PDZD2: variants seen among roughly 807,000 people sequenced by gnomAD.
The protein encoded by PDZD2 is PDZ domain-containing protein 2.
PDZD2 carries 90 observed loss-of-function variants against 220.7 expected under a neutral mutation model. The ratio of observed to expected loss-of-function variants is 0.41; its 90% CI spans 0.34 to 0.49. The LOEUF is 0.49. Ranked by LOEUF, PDZD2 falls within the 20% of genes least tolerant of loss-of-function variation. The pLI is 0.28. For missense variants in PDZD2, 3,174 were observed against 3,608.5 expected, an observed-to-expected ratio of 0.88 and a Z score of 3.08; for synonymous variants, 1,375 against 1,450.5, an observed-to-expected ratio of 0.95 and a Z score of 1.18.
chr5:31,754,760 TCTC>T (rs1460189035), intron 1 of PDZD2: 1 of 152,094 alleles, frequency 6.6e-6, no homozygotes, highest in Non-Finnish European at 1.5e-5. Flanking sequence ...CTCACTCACT[TCTC>T]CTGGCCTCAT....
At chr5:31,645,778 C>T (rs766017767) in intron 1 of PDZD2, among the ~76,000 whole-genome samples, 1 of 152,094 alleles carries the variant, frequency 6.6e-6, no homozygotes, top group South Asian at 2.1e-4. Context: ...AAAGGCAGCA[C>T]TCATATAGTG....
intron 1 of PDZD2, among the ~76,000 whole-genome samples, chr5:31,749,251 G>A (rs911327297): frequency 1.3e-5 from 2 of 152,194 alleles, no homozygotes; most frequent in African/African-American, 4.8e-5. Context: ...CCCTAGATCA[G>A]TGACACAGCA....
chr5:31,914,273 C>A lies in PDZD2; in HGVS notation c.477-68882C>A, dbSNP rs549209508. On this transcript the variant is annotated intron_variant, in intron 2 of 24. Transcript: ENST00000438447. ...CTGGCCGGGCGCGGTGGCTCACGCC[C>A]GTAATCCCAATACTTTGGGGGGCTG... 2.0e-5 allele frequency among the ~76,000 whole-genome samples: 3 copies of A among 152,172 alleles called. No homozygotes were observed. The East Asian group carries it at 5.8e-4, about 29-fold the overall frequency.
At chr5:32,079,913 C>T (rs1581442086) in intron 19 of PDZD2, among the ~76,000 whole-genome samples, 2 of 152,108 alleles carry the variant, frequency 1.3e-5, no homozygotes, top group South Asian at 2.1e-4. Flanking sequence ...TTCTGTGATC[C>T]GAGGCTCTTT....
chr5:31,898,827 G>GTTTTTTTTTTTTTTTTTTTT (rs1741823444), intron 2 of PDZD2, among the ~76,000 whole-genome samples: 1 of 81,026 alleles, frequency 1.2e-5, no homozygotes, highest in Admixed American at 1.3e-4. Context: ...TTTTTTTTTT[G>GTTTTTTTTTTTTTTTTTTTT]TTTTTTTTCT....
At chr5:31,923,317 G>A (rs570547307) in intron 2 of PDZD2, 5 of 720,060 alleles carry the variant, frequency 6.9e-6, no homozygotes, top group East Asian at 2.5e-5. Context: ...TCGGATTCCC[G>A]ATGCGGTGGT....
chr5:31,709,774 G>T (rs1050039414), intron 1 of PDZD2, among the ~76,000 whole-genome samples: 1 of 152,138 alleles, frequency 6.6e-6, no homozygotes, highest in Admixed American at 6.5e-5. Context: ...TGGCCAACAT[G>T]GTGAAACCCT....
At position 32,108,232 on chromosome 5, in the gene PDZD2, C is replaced by A; in HGVS notation, c.*97C>A. ...GTTGTTGAAATGGCCAACACTGGTA[C>A]AGACACGGACTATAAAAATCTCCAA... is the stretch of plus-strand genomic sequence containing the variant. On this transcript the variant is annotated 3_prime_UTR_variant, in exon 25 of 25. Coordinates refer to ENST00000438447, the MANE Select transcript of PDZD2 (RefSeq NM_178140.4). 1.4e-6 allele frequency: 1 copy of A among 696,100 alleles called. No homozygotes were observed. The highest frequency in any genetic ancestry group is 2.3e-6 in the Non-Finnish European group (1 of 429,532). 43.1% of individuals were successfully genotyped at this position (696,100 alleles called of 1,614,324 possible).
intron 7 of PDZD2, among the ~76,000 whole-genome samples, chr5:32,041,175 G>A (rs1189692191): frequency 1.4e-5 from 2 of 143,754 alleles, no homozygotes; most frequent in Non-Finnish European, 3.0e-5. Flanking sequence ...CGTCTGGGAA[G>A]TGGGGAGCGC....
chr5:32,039,960 TGAG>T lies in PDZD2; in HGVS notation c.1519+2622_1519+2624del, dbSNP rs1486859048. On this transcript the variant is annotated intron_variant, in intron 7 of 24. Coordinates refer to ENST00000438447, the MANE Select transcript of PDZD2 (RefSeq NM_178140.4). ...TCTGCCCAGCTGCCCGAATGGGAAG[TGAG>T]GAGCGCCACTGCCTGGCCGCCCCAT... Among the ~76,000 whole-genome samples the T allele has an allele frequency of 8.8e-5, 11 of 125,384 alleles. No homozygotes were observed. In the East Asian group the frequency reaches 2.8e-3, roughly 32 times the overall value. 82.3% of individuals were successfully genotyped at this position (125,384 alleles called of 152,430 possible).
intron 2 of PDZD2, among the ~76,000 whole-genome samples, chr5:31,800,562 G>T (rs1754332943): frequency 6.6e-6 from 1 of 152,100 alleles, no homozygotes; most frequent in Non-Finnish European, 1.5e-5. Context: ...CTCTGGCAAG[G>T]CCAAACACCC....
chr5:31,643,626 G>A (rs1454418989), intron 1 of PDZD2, among the ~76,000 whole-genome samples: 1 of 152,192 alleles, frequency 6.6e-6, no homozygotes, highest in Non-Finnish European at 1.5e-5. Flanking sequence ...TAGCAGTGGT[G>A]TTGGCCAAGA....
At chr5:32,097,633 AT>A (rs1220172882) in intron 22 of PDZD2, among the ~76,000 whole-genome samples, 3 of 152,212 alleles carry the variant, frequency 2.0e-5, no homozygotes, top group Non-Finnish European at 4.4e-5. Context: ...TAGCCTTATA[AT>A]TTACCTCCAT....
At chr5:31,838,149 C>T (rs1044327957) in intron 2 of PDZD2, among the ~76,000 whole-genome samples, 2 of 152,174 alleles carry the variant, frequency 1.3e-5, no homozygotes, top group African/African-American at 4.8e-5. Context: ...CCTCCGCCTC[C>T]AGGGTTCAAG....
intron 1 of PDZD2, among the ~76,000 whole-genome samples, chr5:31,684,638 A>G (rs1209439065): frequency 1.3e-5 from 2 of 151,946 alleles, no homozygotes; most frequent in Non-Finnish European, 1.5e-5. Context: ...TTCCATCTCA[A>G]TTAGAATAGA....
intron 2 of PDZD2, among the ~76,000 whole-genome samples, chr5:31,875,105 C>G (rs1280104765): frequency 6.6e-6 from 1 of 152,142 alleles, no homozygotes; most frequent in Non-Finnish European, 1.5e-5. Flanking sequence ...CTTTTGAGAT[C>G]TGGCCATGTC....
At chr5:31,959,271 ATATAT>A (rs1184438639) in intron 2 of PDZD2, among the ~76,000 whole-genome samples, 9 of 137,972 alleles carry the variant, frequency 6.5e-5, no homozygotes, top group South Asian at 2.3e-4. Flanking sequence ...ATATAAAATA[ATATAT>A]TAACTTAAAA....
At chr5:32,002,901 ACCCC>A (rs762376420) in intron 5 of PDZD2, among the ~76,000 whole-genome samples, 1,641 of 13,058 alleles carry the variant, frequency 0.13, 71 homozygotes, top group Non-Finnish European at 0.18. Context: ...ACCAACACAC[ACCCC>A]CACCACACAC....
chr5:31,836,035 AT>A (rs1198797952), intron 2 of PDZD2, among the ~76,000 whole-genome samples: 4 of 152,154 alleles, frequency 2.6e-5, no homozygotes, highest in African/African-American at 9.7e-5. Context: ...AAATAGAAGT[AT>A]TATGTGTTAA....
Sources: gnomAD v4.1 joint callset for allele counts (sites outside exome capture counted in the v4.1 genomes callset) on GRCh38, gnomAD v4.1.1 for gene constraint, MANE v1.5 for transcripts, NCBI Gene and HGNC (gene_info 2026-07-23, HGNC 2026-07-21) for gene names.